The following CABIN1 variants were observed in gnomAD, a reference collection of about 807,000 sequenced individuals.
CABIN1 encodes the protein calcineurin binding protein 1.
Under a neutral mutation model 227.7 loss-of-function variants are expected in CABIN1, and 133 were observed. The ratio of observed to expected loss-of-function variants is 0.58; its 90% CI spans 0.51 to 0.67. The LOEUF is 0.67. Among genes scored for constraint, CABIN1 ranks in the 30% least tolerant of loss-of-function variants. CABIN1 has a pLI of 0.00. For synonymous variants in CABIN1, 1,086 were observed against 1,155.1 expected (o/e 0.94, Z 1.21); for missense variants, 2,408 against 2,852.5 (o/e 0.84, Z 3.55).
chr22:24,173,179 G>A (rs1302878760), intron 34 of CABIN1: 1 of 152,222 alleles, frequency 6.6e-6, no homozygotes, highest in Non-Finnish European at 1.5e-5. Context: ...AGGCTCACCT[G>A]TCTTCCCAGT....
At chr22:24,087,835 A>C in intron 23 of CABIN1, 122 bp downstream of exon 23, 24 of 1,306,820 alleles carry the variant, frequency 1.8e-5, no homozygotes, top group Non-Finnish European at 2.2e-5. Flanking sequence ...CTGGGAGCTC[A>C]CTGACGAATC....
At chr22:24,157,298 T>C (rs1041281032) in intron 29 of CABIN1, among the ~76,000 whole-genome samples, 1 of 152,114 alleles carries the variant, frequency 6.6e-6, no homozygotes, top group African/African-American at 2.4e-5. Flanking sequence ...ATCAGGAAGA[T>C]AGGGAGCTGC....
At chr22:24,164,254 G>T in intron 29 of CABIN1, 146 bp from the exon 30 acceptor site, 1 of 937,506 alleles carries the variant, frequency 1.1e-6, no homozygotes, top group Non-Finnish European at 1.7e-6. Context: ...CTGTCTCCTT[G>T]GGACAGTGAG....
intron 26 of CABIN1, chr22:24,101,619 TG>T (rs1479041661): frequency 3.9e-5 from 6 of 152,302 alleles, no homozygotes; most frequent in African/African-American, 1.4e-4. Context: ...GCTGTGCTGC[TG>T]GCAGCTCTGG....
chr22:24,020,449 G>A (rs1304926144), intron 1 of CABIN1, among the ~76,000 whole-genome samples: 1 of 152,058 alleles, frequency 6.6e-6, no homozygotes, highest in Non-Finnish European at 1.5e-5. Flanking sequence ...AGCCTCCCAA[G>A]TAGCTGGGAT....
At chr22:24,137,805 G>A (rs1424697892) in intron 29 of CABIN1, among the ~76,000 whole-genome samples, 2 of 152,236 alleles carry the variant, frequency 1.3e-5, no homozygotes, top group African/African-American at 2.4e-5. Flanking sequence ...GCATACTAAC[G>A]TGTTTATGAA....
chr22:24,070,176 C>T (rs980000755), intron 16 of CABIN1, among the ~76,000 whole-genome samples: 5 of 152,198 alleles, frequency 3.3e-5, no homozygotes, highest in African/African-American at 1.2e-4. Flanking sequence ...ATGTGCCAGG[C>T]ACTGTGCTGA....
chr22:24,125,999 T>C (rs1356594131), intron 28 of CABIN1, among the ~76,000 whole-genome samples: 3 of 152,220 alleles, frequency 2.0e-5, no homozygotes, highest in African/African-American at 7.2e-5. Flanking sequence ...TTGAATAGGT[T>C]TGAGCACTCT....
At chr22:24,123,253 TC>T (rs1339586465) in intron 28 of CABIN1, among the ~76,000 whole-genome samples, 1 of 151,934 alleles carries the variant, frequency 6.6e-6, no homozygotes, top group Non-Finnish European at 1.5e-5. Context: ...GCTTTTCTGT[TC>T]GTTGCATTCC....
chr22:24,138,726 T>C (rs1437780075), intron 29 of CABIN1, among the ~76,000 whole-genome samples: 1 of 152,230 alleles, frequency 6.6e-6, no homozygotes, highest in Non-Finnish European at 1.5e-5. Context: ...TTTAGTTATC[T>C]GGAAGCTCAG....
intron 26 of CABIN1, among the ~76,000 whole-genome samples, chr22:24,104,336 GTTT>G (rs2042383194): frequency 6.6e-6 from 1 of 152,230 alleles, no homozygotes; most frequent in Admixed American, 6.5e-5. Context: ...TCAGGAAAAT[GTTT>G]AAAGCCTCCC....
chr22:24,071,945 T>C (rs1381272174), intron 17 of CABIN1, among the ~76,000 whole-genome samples: 1 of 152,080 alleles, frequency 6.6e-6, no homozygotes, highest in Non-Finnish European at 1.5e-5. Context: ...TTAATAAGGC[T>C]CTCACCTGTC....
chr22:24,056,498 T>C, intron 10 of CABIN1, 138 bp downstream of exon 10: 1 of 857,696 alleles, frequency 1.2e-6, no homozygotes, highest in Non-Finnish European at 1.9e-6. Context: ...TGCAGATGTC[T>C]GAAGCACAAA....
intron 16 of CABIN1, among the ~76,000 whole-genome samples, chr22:24,068,425 A>G (rs925238299): frequency 1.3e-5 from 2 of 152,262 alleles, no homozygotes; most frequent in African/African-American, 4.8e-5. Context: ...GGATGGCCTC[A>G]ATGCTCAGAT....
intron 5 of CABIN1, 52 bp downstream of exon 5, chr22:24,041,325 G>A: frequency 1.2e-6 from 2 of 1,611,844 alleles, no homozygotes; most frequent in Non-Finnish European, 1.7e-6. Context: ...GCTCTTGGTG[G>A]AGGGGATGAG....
chr22:24,064,381 ATCT>A (rs1476925604), intron 15 of CABIN1, among the ~76,000 whole-genome samples, 194 bp downstream of exon 15: 1 of 151,848 alleles, frequency 6.6e-6, no homozygotes, highest in East Asian at 1.9e-4. Context: ...AATTTTTTGT[ATCT>A]TTAGTAGAGA....
At chr22:24,141,254 C>T (rs2044741196) in intron 29 of CABIN1, among the ~76,000 whole-genome samples, 1 of 152,196 alleles carries the variant, frequency 6.6e-6, no homozygotes, top group South Asian at 2.1e-4. Context: ...GCCGTCACAC[C>T]CACCACACAG....
chr22:24,118,622 C>T (rs2043221035), intron 27 of CABIN1, among the ~76,000 whole-genome samples: 1 of 152,200 alleles, frequency 6.6e-6, no homozygotes, highest in Non-Finnish European at 1.5e-5. Flanking sequence ...GCCTTTATCC[C>T]TTGCTCCCCA....
At chr22:24,031,919 T>A (rs751685673) in intron 1 of CABIN1, among the ~76,000 whole-genome samples, 10 of 152,234 alleles carry the variant, frequency 6.6e-5, no homozygotes, top group Non-Finnish European at 1.3e-4. Context: ...GAAAACAAGT[T>A]CAACTTTGTT....
Sources: allele counts gnomAD v4.1 joint callset (sites outside exome capture counted in the v4.1 genomes callset), GRCh38; gene constraint gnomAD v4.1.1; transcripts MANE v1.5; gene names NCBI Gene and HGNC (gene_info 2026-07-23, HGNC 2026-07-21).